Variants in AKAP9 observed in about 807,000 individuals in gnomAD.
The protein encoded by AKAP9 is A-kinase anchor protein 9.
In AKAP9, 311 loss-of-function variants were observed where a neutral mutation model predicts 488.5. The ratio of observed to expected loss-of-function variants is 0.64; its 90% CI spans 0.58 to 0.70. The LOEUF (loss-of-function observed/expected upper bound fraction) is 0.70. Among genes scored for constraint, AKAP9 ranks in the 30% least tolerant of loss-of-function variants. The pLI, the probability that AKAP9 is intolerant of heterozygous loss-of-function variation, is 0.00. For synonymous variants in AKAP9, 1,462 were observed against 1,483.5 expected (o/e 0.99, Z 0.33); for missense variants, 4,215 against 4,374.5 (o/e 0.96, Z 1.03).
intron 7 of AKAP9, 91 bp downstream of exon 7, chr7:91,995,891 A>C (rs1798345288): frequency 2.3e-6 from 2 of 887,804 alleles, no homozygotes; most frequent in Admixed American, 2.6e-5. Flanking sequence ...TAGGCACATG[A>C]ATCACAAAAT....
At position 92,016,111 on chromosome 7, in the gene AKAP9, C is replaced by T. The variant is rs1461152473; in HGVS notation, c.3613-18C>T. On this transcript the variant is annotated intron_variant, in intron 10 of 49. Transcript: ENST00000356239. The stretch of plus-strand genomic sequence containing the variant: ...CAAAATTTAAATTCCTTAAAATACA[C>T]AATTTTGTTGTTAACAGACTTTATG... 1 of 1,587,636 alleles carries T rather than the reference C, an allele frequency of 6.3e-7. No individual in the cohort carries two copies. The highest frequency in any genetic ancestry group is 8.6e-7 in the Non-Finnish European group (1 of 1,158,322).
intron 12 of AKAP9, among the ~76,000 whole-genome samples, chr7:92,018,441 C>CAGAG (rs1195590624): frequency 1.7e-5 from 1 of 60,514 alleles, no homozygotes. Flanking sequence ...CACACACACA[C>CAGAG]AGAGAAATAT....
chr7:91,947,615 CA>C (rs1263345783), intron 1 of AKAP9, among the ~76,000 whole-genome samples: 1 of 152,200 alleles, frequency 6.6e-6, no homozygotes, highest in Non-Finnish European at 1.5e-5. Context: ...GCTGGGATTA[CA>C]GGCGTGAGCA....
At chr7:92,061,189 C>A in intron 22 of AKAP9, 71 bp from the exon 23 acceptor site, 1 of 1,556,430 alleles carries the variant, frequency 6.4e-7, no homozygotes, top group Non-Finnish European at 8.8e-7. Flanking sequence ...TTTTTTCCAG[C>A]TTTAATAGGG....
chr7:91,948,451 T>A (rs1036041790), intron 1 of AKAP9, among the ~76,000 whole-genome samples: 2 of 152,016 alleles, frequency 1.3e-5, no homozygotes, highest in Non-Finnish European at 2.9e-5. Context: ...TGTTTTCTGT[T>A]TTTTTTGTTT....
chr7:92,078,780 A>G (rs982474053), intron 30 of AKAP9, among the ~76,000 whole-genome samples: 1 of 152,122 alleles, frequency 6.6e-6, no homozygotes, highest in Non-Finnish European at 1.5e-5. Context: ...CATCGGTTGT[A>G]GACTTTATTT....
chr7:92,075,272 G>A (rs185968078), intron 28 of AKAP9, among the ~76,000 whole-genome samples: 52 of 152,248 alleles, frequency 3.4e-4, no homozygotes, highest in Admixed American at 3.4e-3. Context: ...ATGAGATAGG[G>A]CAGCAATTTG....
chr7:92,098,373 C>G (rs557463079), intron 43 of AKAP9, among the ~76,000 whole-genome samples, 159 bp downstream of exon 43: 3 of 152,040 alleles, frequency 2.0e-5, no homozygotes, highest in African/African-American at 7.2e-5. Flanking sequence ...TGCTTTCCCC[C>G]AAGAGAAGAT....
chr7:92,012,973 A>AT (rs749688986), intron 9 of AKAP9, among the ~76,000 whole-genome samples: 2,308 of 60,738 alleles, frequency 0.038, 731 homozygotes, highest in East Asian at 0.076. Context: ...TGGGGTTGGA[A>AT]TTTTTTTTTT....
At chr7:91,950,508 G>A (rs1218208119) in intron 1 of AKAP9, among the ~76,000 whole-genome samples, 7 of 152,190 alleles carry the variant, frequency 4.6e-5, no homozygotes, top group African/African-American at 1.7e-4. Context: ...GGGATTACAG[G>A]CGTGAGCCAC....
intron 16 of AKAP9, among the ~76,000 whole-genome samples, chr7:92,033,168 T>C (rs925474476): frequency 6.6e-6 from 1 of 152,152 alleles, no homozygotes; most frequent in Non-Finnish European, 1.5e-5. Context: ...TCACTCAAGC[T>C]GATAGCAGAG....
At chr7:91,981,987 G>A (rs76736745) in intron 3 of AKAP9, among the ~76,000 whole-genome samples, 1,608 of 152,182 alleles carry the variant, frequency 0.011, 25 homozygotes, top group African/African-American at 0.037. Context: ...AGAGTTCCAC[G>A]AAGTGCATTT....
At chr7:91,949,590 C>T (rs1791934760) in intron 1 of AKAP9, among the ~76,000 whole-genome samples, 1 of 152,150 alleles carries the variant, frequency 6.6e-6, no homozygotes, top group Non-Finnish European at 1.5e-5. Flanking sequence ...TCTTTGTTGT[C>T]ATATTGACAC....
At position 91,984,700 on chromosome 7, in the gene AKAP9, C is replaced by T. The variant is rs570404446; in HGVS notation, c.351+4367C>T. 3.3e-5 allele frequency among the ~76,000 whole-genome samples: 5 copies of T among 151,820 alleles called. No individual in the cohort carries two copies. The East Asian group carries it at 9.8e-4, about 30-fold the overall frequency. On this transcript the variant is annotated intron_variant, in intron 3 of 49. Transcript: ENST00000356239. ...TTGATAGCTTGATGGGGATGGCATTCGATCTATAAATTACCTTGGGCAGTG... is the reference window on the plus strand; with the variant it reads ...TTGATAGCTTGATGGGGATGGCATTTGATCTATAAATTACCTTGGGCAGTG...
chr7:92,070,968 T>C lies in AKAP9; in HGVS notation c.6571T>C (p.Leu2191=). 6.2e-7 allele frequency: 1 copy of C among 1,614,010 alleles called. No individual in the cohort carries two copies. Among genetic ancestry groups the C allele is most frequent in the Admixed American group, 1.7e-5 (1 of 59,998 alleles). The change falls in exon 28 of 50, where the codon TTG becomes CTG. Residue 2191 remains leucine (L), a synonymous_variant. Transcript: ENST00000356239. ...ACCAGAATTGTCCCTAGAAGTACAA[T>C]TGCAGGCTGAACGAGATGCCATAGA... ...AKPELSLEVQ[L]QAERDAIDRK...
intron 3 of AKAP9, among the ~76,000 whole-genome samples, chr7:91,991,056 A>G (rs554285683): frequency 6.6e-6 from 1 of 152,302 alleles, no homozygotes; most frequent in South Asian, 2.1e-4. Flanking sequence ...TCAAAAAACC[A>G]TAGTGTATAT....
intron 2 of AKAP9, among the ~76,000 whole-genome samples, chr7:91,978,782 G>A (rs973664193): frequency 6.6e-6 from 1 of 150,858 alleles, no homozygotes; most frequent in African/African-American, 2.4e-5. Context: ...TTAAAGACAG[G>A]GTCTCACTCT....
intron 8 of AKAP9, among the ~76,000 whole-genome samples, chr7:92,006,081 ATT>A (rs1229770061): frequency 6.6e-6 from 1 of 152,094 alleles, no homozygotes; most frequent in Non-Finnish European, 1.5e-5. Flanking sequence ...TTTAGGAAGC[ATT>A]TTTGGGAGAA....
chr7:92,093,257 G>A lies in AKAP9; in HGVS notation c.9519G>A (p.Leu3173=), dbSNP rs1218937526. Residue 3173 remains leucine, a synonymous_variant, in exon 39 of 50, where the codon TTG becomes TTA. Transcript: ENST00000356239. ...AGAGTGAGCTTGCACAAACTAAATTGGAACTAGAAACAACACTCAAGGCAC... is the reference window on the plus strand; with the variant it reads ...AGAGTGAGCTTGCACAAACTAAATTAGAACTAGAAACAACACTCAAGGCAC... The part of the protein sequence containing the change: ...ELKSELAQTK[L]ELETTLKAQH... 1 of 1,613,832 alleles carries A rather than the reference G, an allele frequency of 6.2e-7. No individual in the cohort carries two copies. Among genetic ancestry groups the A allele is most frequent in the Non-Finnish European group, 8.5e-7 (1 of 1,180,012 alleles).
Sources: allele counts gnomAD v4.1 joint callset (sites outside exome capture counted in the v4.1 genomes callset), GRCh38; gene constraint gnomAD v4.1.1; transcripts MANE v1.5; gene names NCBI Gene and HGNC (gene_info 2026-07-23, HGNC 2026-07-21).